The following CSMD1 variants were observed in gnomAD, a reference collection of about 807,000 sequenced individuals.
CSMD1 encodes the protein CUB and sushi domain-containing protein 1.
In CSMD1, 213 loss-of-function variants were observed where a neutral mutation model predicts 417.5. That is an observed-to-expected ratio of 0.51 (90% CI 0.46 to 0.57). The LOEUF is 0.57. CSMD1 is among the 20% of genes least tolerant of loss of function. The probability of loss-of-function intolerance (pLI) is 0.00; values close to 1 mark genes in which losing one functional copy is unlikely to be tolerated. For synonymous variants in CSMD1, 2,862 were observed against 1,736.8 expected (o/e 1.65, Z -16.11); for missense variants, 6,923 against 4,529.7 (o/e 1.53, Z -15.17).
intron 8 of CSMD1, among the ~76,000 whole-genome samples, chr8:3,587,901 A>G (rs1191029528): frequency 6.6e-6 from 1 of 152,172 alleles, no homozygotes; most frequent in Admixed American, 6.5e-5. Flanking sequence ...ACCCGGCATC[A>G]TAAGAACATA....
chr8:3,043,707 G>A (rs1030226691), intron 50 of CSMD1: 6 of 152,048 alleles, frequency 3.9e-5, no homozygotes, highest in Non-Finnish European at 8.8e-5. Flanking sequence ...ATTATTAACT[G>A]AAAAACAACA....
At chr8:3,182,677 G>GTGTGTC (rs1439048834) in intron 36 of CSMD1, among the ~76,000 whole-genome samples, 2 of 118,218 alleles carry the variant, frequency 1.7e-5, no homozygotes, top group Non-Finnish European at 3.8e-5. Context: ...ATAAGAAGCT[G>GTGTGTC]TGTGTGTGTG....
rs187204165 is a variant in CSMD1, at chr8:4,029,615, G to A, written c.610+2290C>T. On this transcript the variant is annotated intron_variant, in intron 4 of 69. Transcript: ENST00000635120. ...TGTGGGAGCTGCAATTCAAGATGAG[G>A]TTTTGGTAGGGACACAGCCAAACCA... Among the ~76,000 whole-genome samples, 605 of 152,242 alleles carry A rather than the reference G, an allele frequency of 4.0e-3. 4 individuals carry two copies. The highest frequency in any genetic ancestry group is 0.014 in the African/African-American group (577 of 41,524).
intron 5 of CSMD1, among the ~76,000 whole-genome samples, chr8:3,925,284 T>C (rs1182586962): frequency 6.6e-6 from 1 of 152,248 alleles, no homozygotes; most frequent in African/African-American, 2.4e-5. Context: ...ATTGCTACAA[T>C]AACCCAAGAG....
intron 7 of CSMD1, among the ~76,000 whole-genome samples, chr8:3,692,445 A>T (rs1286951861): frequency 4.1e-5 from 6 of 147,468 alleles, no homozygotes; most frequent in Non-Finnish European, 6.0e-5. Context: ...TTTAACAATA[A>T]TTTTTTTTTT....
Position 4,662,412 on chromosome 8 carries a change from C to A in CSMD1, c.86-24854G>T, listed in dbSNP as rs554033437. ...AAAGGCATTAGATTCTACAAAAAGA[C>A]CACATTGACACGCTTTTCTTTTAAT... is the stretch of plus-strand genomic sequence containing the variant. On this transcript the variant is annotated intron_variant, in intron 1 of 69. Transcript: ENST00000635120. Among the ~76,000 whole-genome samples the A allele has an allele frequency of 1.4e-4, 21 of 152,252 alleles. No individual in the cohort carries two copies. In the South Asian group the frequency reaches 3.9e-3, roughly 29 times the overall value.
chr8:4,635,874 G>A (rs1024241846), intron 2 of CSMD1, among the ~76,000 whole-genome samples: 1 of 151,988 alleles, frequency 6.6e-6, no homozygotes, highest in African/African-American at 2.4e-5. Flanking sequence ...TTTCAGAAAA[G>A]AGACGGCCAT....
intron 3 of CSMD1, among the ~76,000 whole-genome samples, chr8:4,194,704 C>T (rs1799229942): frequency 6.6e-6 from 1 of 152,132 alleles, no homozygotes; most frequent in African/African-American, 2.4e-5. Context: ...AAGCCATTTG[C>T]CAAAGTTCTT....
chr8:4,533,525 C>T (rs1456911417), intron 2 of CSMD1, among the ~76,000 whole-genome samples: 1 of 152,086 alleles, frequency 6.6e-6, no homozygotes, highest in Non-Finnish European at 1.5e-5. Context: ...TAGTACAGAC[C>T]TTTTGGGAAC....
At chr8:4,849,426 C>T (rs964808972) in intron 1 of CSMD1, among the ~76,000 whole-genome samples, 1 of 151,770 alleles carries the variant, frequency 6.6e-6, no homozygotes, top group African/African-American at 2.4e-5. Context: ...GTTTGCTATA[C>T]CCTCAGTGTA....
chr8:3,388,925 A>G (rs1462882112), intron 17 of CSMD1, among the ~76,000 whole-genome samples: 1 of 148,508 alleles, frequency 6.7e-6, no homozygotes. Flanking sequence ...ACACACACAC[A>G]CACACACACA....
chr8:4,320,728 G>A (rs1475026189), intron 3 of CSMD1, among the ~76,000 whole-genome samples: 4 of 152,134 alleles, frequency 2.6e-5, no homozygotes, highest in East Asian at 3.9e-4. Context: ...TGGTGTGTAT[G>A]TGCCACATTT....
At chr8:4,872,788 G>A (rs1802810189) in intron 1 of CSMD1, among the ~76,000 whole-genome samples, 1 of 152,074 alleles carries the variant, frequency 6.6e-6, no homozygotes, top group Non-Finnish European at 1.5e-5. Flanking sequence ...TTCACTTTTT[G>A]TGATCAAACC....
chr8:4,444,796 G>C (rs998896287), intron 2 of CSMD1, among the ~76,000 whole-genome samples: 4 of 152,142 alleles, frequency 2.6e-5, no homozygotes, highest in East Asian at 1.9e-4. Flanking sequence ...TATTATTCCA[G>C]ATAATCAGAT....
chr8:3,216,436 T>C (rs1487908526), intron 29 of CSMD1, among the ~76,000 whole-genome samples: 2 of 152,240 alleles, frequency 1.3e-5, no homozygotes, highest in Non-Finnish European at 2.9e-5. Flanking sequence ...TACACATCTA[T>C]TAATGTATGT....
intron 7 of CSMD1, among the ~76,000 whole-genome samples, chr8:3,643,304 C>A (rs1453940332): frequency 6.6e-6 from 1 of 151,494 alleles, no homozygotes; most frequent in Non-Finnish European, 1.5e-5. Context: ...GAGGGACGGG[C>A]AAAGAAAGAG....
intron 25 of CSMD1, among the ~76,000 whole-genome samples, chr8:3,298,438 T>C (rs777266595): frequency 6.6e-6 from 1 of 151,486 alleles, no homozygotes; most frequent in Non-Finnish European, 1.5e-5. Flanking sequence ...AGACACATAA[T>C]TAATAAAACT....
chr8:4,478,679 T>C (rs966672029), intron 2 of CSMD1, among the ~76,000 whole-genome samples: 2 of 152,190 alleles, frequency 1.3e-5, no homozygotes, highest in African/African-American at 2.4e-5. Flanking sequence ...TATATGGCCA[T>C]GGTGCATGTT....
chr8:4,205,877 T>C (rs1374714115), intron 3 of CSMD1, among the ~76,000 whole-genome samples: 2 of 152,178 alleles, frequency 1.3e-5, no homozygotes, highest in Non-Finnish European at 1.5e-5. Context: ...ATGAACTTCC[T>C]ATTATGCACT....
Sources: allele counts gnomAD v4.1 joint callset (sites outside exome capture counted in the v4.1 genomes callset), GRCh38; gene constraint gnomAD v4.1.1; transcripts MANE v1.5; gene names NCBI Gene and HGNC (gene_info 2026-07-23, HGNC 2026-07-21).